HSD17B7: variants seen among roughly 807,000 people sequenced by gnomAD.
The protein encoded by HSD17B7 is hydroxysteroid 17-beta dehydrogenase 7.
Under a neutral mutation model 34.1 loss-of-function variants are expected in HSD17B7, and 17 were observed. That is an observed-to-expected ratio of 0.50 (90% CI 0.34 to 0.75). The LOEUF is 0.75. HSD17B7 is among the 30% of genes least tolerant of loss of function. The pLI is 0.01. For missense variants in HSD17B7, 296 were observed against 406.6 expected, an observed-to-expected ratio of 0.73 and a Z score of 2.34; for synonymous variants, 122 against 154.6, an observed-to-expected ratio of 0.79 and a Z score of 1.56.
intron 4 of HSD17B7, 40 bp from the exon 5 acceptor site, chr1:162,799,703 G>T (rs769711597): frequency 1.9e-6 from 3 of 1,555,174 alleles, no homozygotes; most frequent in Non-Finnish European, 2.6e-6. Flanking sequence ...TCTGTATTCT[G>T]TCAGTATATT....
chr1:162,806,048 A>G (rs1415767736), intron 8 of HSD17B7, among the ~76,000 whole-genome samples: 1 of 152,196 alleles, frequency 6.6e-6, no homozygotes, highest in South Asian at 2.1e-4. Context: ...GAAGAGGAAC[A>G]GAATAATGTG....
At chr1:162,805,546 G>A (rs1327182278) in intron 8 of HSD17B7, 54 bp downstream of exon 8, 1 of 1,596,032 alleles carries the variant, frequency 6.3e-7, no homozygotes, top group African/African-American at 1.3e-5. Context: ...GATGAATTAA[G>A]CCTGTGTTCC....
intron 8 of HSD17B7, among the ~76,000 whole-genome samples, chr1:162,807,727 A>G (rs1169744823): frequency 6.6e-6 from 1 of 152,170 alleles, no homozygotes; most frequent in Non-Finnish European, 1.5e-5. Context: ...ATGGCCAGTG[A>G]TGATGAGCAT....
Position 162,812,550 on chromosome 1 carries a change from C to T in HSD17B7, c.*130C>T, listed in dbSNP as rs1277061913. ...AATAATAGCTGGGTGTGGTGGCATG[C>T]GCATGTAGTCCCAGCTACTCAGAAG... On this transcript the variant is annotated 3_prime_UTR_variant, in exon 9 of 9. Transcript: ENST00000254521. 7.1e-5 allele frequency: 57 copies of T among 799,750 alleles called. No individual in the cohort carries two copies. Among genetic ancestry groups the T allele is most frequent in the East Asian group, 6.9e-4 (24 of 35,026 alleles). 49.5% of individuals were successfully genotyped at this position (799,750 alleles called of 1,614,324 possible).
intron 8 of HSD17B7, among the ~76,000 whole-genome samples, chr1:162,805,761 G>A (rs763906150): frequency 6.6e-6 from 1 of 152,154 alleles, no homozygotes; most frequent in Non-Finnish European, 1.5e-5. Context: ...TGACCCTGTA[G>A]ACCGGGCCTG....
chr1:162,805,594 G>A (rs1262539748), intron 8 of HSD17B7, 102 bp downstream of exon 8: 3 of 1,502,828 alleles, frequency 2.0e-6, no homozygotes, highest in Non-Finnish European at 1.8e-6. Context: ...GCTTCTCTGG[G>A]TACTCACTGT....
At chr1:162,809,780 G>T (rs1649113439) in intron 8 of HSD17B7, among the ~76,000 whole-genome samples, 2 of 151,810 alleles carry the variant, frequency 1.3e-5, no homozygotes, top group Non-Finnish European at 2.9e-5. Context: ...TTCTCAGATG[G>T]GATCGGTGGT....
chr1:162,793,031 CTTTTTTTT>C (rs201857530), intron 2 of HSD17B7, 169 bp downstream of exon 2: 44 of 353,072 alleles, frequency 1.2e-4, no homozygotes, highest in African/African-American at 1.1e-3. Context: ...CGTTTTCTTT[CTTTTTTTT>C]TTTTTTTTTA....
intron 8 of HSD17B7, among the ~76,000 whole-genome samples, chr1:162,808,845 T>G (rs895609790): frequency 2.2e-4 from 34 of 152,336 alleles, no homozygotes; most frequent in African/African-American, 8.2e-4. Flanking sequence ...CTGAAGTTGC[T>G]TATCAGCTTA....
intron 3 of HSD17B7, chr1:162,797,319 A>G (rs1648648088): frequency 6.3e-6 from 1 of 159,578 alleles, no homozygotes; most frequent in Admixed American, 6.0e-5. Context: ...CTCTCCCCGC[A>G]TTGATTTTGA....
rs182823258 is a variant in HSD17B7, at chr1:162,794,768, C to T, written c.240-1817C>T. ...CTTCATTTCCCAGTTAATAATATCC[C>T]ATTCCGATGCAGTTTACTTTTGAGA... On this transcript the variant is annotated intron_variant, in intron 2 of 8. Coordinates refer to ENST00000254521, the MANE Select transcript of HSD17B7 (RefSeq NM_016371.4). 4.6e-5 allele frequency among the ~76,000 whole-genome samples: 7 copies of T among 152,186 alleles called. 2 individuals are homozygous for T. The highest frequency in any genetic ancestry group is 2.6e-4 in the Admixed American group (4 of 15,288).
chr1:162,807,210 G>A (rs1039431681), intron 8 of HSD17B7, among the ~76,000 whole-genome samples: 1 of 152,282 alleles, frequency 6.6e-6, no homozygotes, highest in Admixed American at 6.5e-5. Flanking sequence ...ACCTATGAGT[G>A]AGAACATGCG....
At chr1:162,806,973 T>A (rs1212355237) in intron 8 of HSD17B7, among the ~76,000 whole-genome samples, 1 of 152,228 alleles carries the variant, frequency 6.6e-6, no homozygotes, top group Non-Finnish European at 1.5e-5. Flanking sequence ...TTCTTTCTTT[T>A]TTTTAAAATT....
At chr1:162,791,055 A>T (rs980577655) in intron 1 of HSD17B7, among the ~76,000 whole-genome samples, 4 of 151,472 alleles carry the variant, frequency 2.6e-5, no homozygotes, top group African/African-American at 9.7e-5. Flanking sequence ...CTAGAGCATC[A>T]GTAAGTGATG....
At chr1:162,793,665 C>T (rs569907049) in intron 2 of HSD17B7, among the ~76,000 whole-genome samples, 2 of 152,340 alleles carry the variant, frequency 1.3e-5, no homozygotes, top group South Asian at 2.1e-4. Flanking sequence ...ATCAGTTGCA[C>T]TGCCTTACGT....
chr1:162,797,849 G>A lies in HSD17B7; in HGVS notation c.380G>A (p.Gly127Asp), dbSNP rs768897372. 4 of 1,613,662 alleles carry A rather than the reference G, an allele frequency of 2.5e-6. No homozygotes were observed. The highest frequency in any genetic ancestry group is 1.6e-4 in the Middle Eastern group (1 of 6,078). Residue 127 changes from glycine to aspartate, a missense_variant, in exon 4 of 9, where the codon GGT (glycine) becomes GAT (aspartate). Transcript: ENST00000254521. ...FSTAEGLLTQ[G>D]DKITADGLQE... Reference sequence around the variant, plus strand: ...ACAGCTGAAGGCCTGCTGACCCAGGGTGATAAGATCACTGCTGATGGACTT... The same window carrying A: ...ACAGCTGAAGGCCTGCTGACCCAGGATGATAAGATCACTGCTGATGGACTT...
In HSD17B7 at chr1:162,799,546, T is replaced by C. The variant is rs183676223; in HGVS notation, c.448-197T>C. 4.1e-5 allele frequency: 21 copies of C among 514,068 alleles called. 1 individual carries two copies. Among genetic ancestry groups the C allele is most frequent in the African/African-American group, 1.7e-4 (9 of 52,790 alleles). 31.8% of individuals were successfully genotyped at this position (514,068 alleles called of 1,614,324 possible). On this transcript the variant is annotated intron_variant, in intron 4 of 8. Coordinates refer to ENST00000254521, the MANE Select transcript of HSD17B7 (RefSeq NM_016371.4). Reference sequence around the variant, plus strand: ...CTCTCTGCTGATAGACTAAGAGATATATATGTACATACTAACTCATGTATG... The same window carrying C: ...CTCTCTGCTGATAGACTAAGAGATACATATGTACATACTAACTCATGTATG...
chr1:162,806,434 T>A (rs181415387), intron 8 of HSD17B7, among the ~76,000 whole-genome samples: 2 of 152,322 alleles, frequency 1.3e-5, no homozygotes, highest in African/African-American at 4.8e-5. Flanking sequence ...GGATACTAGT[T>A]TCCTGAGAAG....
At chr1:162,796,493 C>G (rs561148107) in intron 2 of HSD17B7, 92 bp from the exon 3 acceptor site, 1 of 747,578 alleles carries the variant, frequency 1.3e-6, no homozygotes, top group Non-Finnish European at 2.3e-6. Flanking sequence ...CTTAGGCCTC[C>G]TTGATTCTAG....
Sources: allele counts gnomAD v4.1 joint callset (sites outside exome capture counted in the v4.1 genomes callset), GRCh38; gene constraint gnomAD v4.1.1; transcripts MANE v1.5; gene names NCBI Gene and HGNC (gene_info 2026-07-23, HGNC 2026-07-21).